Variants in PTPRO observed in about 807,000 individuals in gnomAD.
PTPRO encodes the protein receptor-type tyrosine-protein phosphatase O.
Under a neutral mutation model 145.2 loss-of-function variants are expected in PTPRO, and 62 were observed. The observed-to-expected ratio is 0.43, with a 90% CI of 0.35 to 0.53. The LOEUF is 0.53. PTPRO is among the 20% of genes least tolerant of loss of function. The probability of loss-of-function intolerance (pLI) is 0.01; values close to 1 mark genes in which losing one functional copy is unlikely to be tolerated. For synonymous variants in PTPRO, 565 were observed against 514.7 expected, an observed-to-expected ratio of 1.10 and a Z score of -1.32; for missense variants, 1,345 against 1,482.7, an observed-to-expected ratio of 0.91 and a Z score of 1.53.
intron 17 of PTPRO, among the ~76,000 whole-genome samples, chr12:15,562,308 T>G (rs1943793705): frequency 6.6e-6 from 1 of 152,176 alleles, no homozygotes; most frequent in Non-Finnish European, 1.5e-5. Flanking sequence ...TATTTTCCCC[T>G]GCTTTCATTG....
chr12:15,355,292 C>G (rs1283383270), intron 1 of PTPRO, among the ~76,000 whole-genome samples: 1 of 152,140 alleles, frequency 6.6e-6, no homozygotes, highest in African/African-American at 2.4e-5. Flanking sequence ...ATGACCTTTC[C>G]CTCCTTAGTC....
intron 1 of PTPRO, among the ~76,000 whole-genome samples, chr12:15,326,804 A>C (rs1417992536): frequency 6.6e-6 from 1 of 152,190 alleles, no homozygotes; most frequent in Non-Finnish European, 1.5e-5. Context: ...CCCTAATTTA[A>C]TGCCTCTCCG....
At chr12:15,323,595 G>A (rs547681862) in intron 1 of PTPRO, among the ~76,000 whole-genome samples, 3 of 152,190 alleles carry the variant, frequency 2.0e-5, no homozygotes, top group Non-Finnish European at 4.4e-5. Flanking sequence ...TCAGCTAGAT[G>A]TTTTCTTGGA....
intron 2 of PTPRO, 63 bp from the exon 3 acceptor site, chr12:15,497,182 A>T (rs956565365): frequency 3.5e-6 from 5 of 1,418,918 alleles, no homozygotes; most frequent in Non-Finnish European, 4.9e-6. Context: ...TAATTCAAGT[A>T]TTGATATCGG....
rs560305013 is a variant in PTPRO, at chr12:15,372,344, C to T, written c.75+49543C>T. Among the ~76,000 whole-genome samples, 6 of 152,222 alleles carry T rather than the reference C, an allele frequency of 3.9e-5. No homozygotes were observed. In the East Asian group the frequency reaches 7.7e-4, roughly 20 times the overall value. ...TCCTCTTTACTGTCTATAGCAGGAACCACTTATATGGTATCTCTCTCTAAT... is the reference window on the plus strand; with the variant it reads ...TCCTCTTTACTGTCTATAGCAGGAATCACTTATATGGTATCTCTCTCTAAT... On this transcript the variant is annotated intron_variant, in intron 1 of 26. Coordinates refer to ENST00000281171, the MANE Select transcript of PTPRO (RefSeq NM_030667.3).
intron 1 of PTPRO, among the ~76,000 whole-genome samples, chr12:15,459,164 A>T (rs951945242): frequency 3.3e-5 from 5 of 152,266 alleles, no homozygotes; most frequent in African/African-American, 1.2e-4. Context: ...TTGAAACGTT[A>T]AATATGTGAT....
intron 23 of PTPRO, among the ~76,000 whole-genome samples, chr12:15,584,207 T>A (rs1387406865): frequency 6.6e-6 from 1 of 152,202 alleles, no homozygotes; most frequent in Non-Finnish European, 1.5e-5. Context: ...AATGAATAAA[T>A]CAGTGAATGA....
chr12:15,440,735 T>C (rs996507065), intron 1 of PTPRO, among the ~76,000 whole-genome samples: 1 of 152,072 alleles, frequency 6.6e-6, no homozygotes, highest in African/African-American at 2.4e-5. Flanking sequence ...TATTCTTCTA[T>C]CTGATAAAAC....
rs79715063 is a variant in PTPRO at position 15,330,727 on chromosome 12, A to G, written c.75+7926A>G. Among the ~76,000 whole-genome samples, 542 of 152,308 alleles carry G rather than the reference A, an allele frequency of 3.6e-3. 7 individuals carry two copies. The highest frequency in any genetic ancestry group is 0.012 in the African/African-American group (510 of 41,576). ...GGCTGATGTTCTGGCCAAATTCCTG[A>G]AACAGTTCTCTGTCTTTATCCCTTG... On this transcript the variant is annotated intron_variant, in intron 1 of 26. Transcript: ENST00000281171.
At chr12:15,340,614 T>C (rs933823224) in intron 1 of PTPRO, among the ~76,000 whole-genome samples, 41 of 152,244 alleles carry the variant, frequency 2.7e-4, no homozygotes, top group Non-Finnish European at 5.0e-4. Context: ...TTGATGCTTC[T>C]GTACTCTGTA....
At chr12:15,370,736 A>T (rs917552621) in intron 1 of PTPRO, among the ~76,000 whole-genome samples, 1 of 152,348 alleles carries the variant, frequency 6.6e-6, no homozygotes, top group South Asian at 2.1e-4. Context: ...CCTTGAAAAT[A>T]TGCATATATT....
intron 17 of PTPRO, 45 bp downstream of exon 17, chr12:15,560,321 T>G: frequency 7.1e-7 from 1 of 1,417,530 alleles, no homozygotes. Context: ...CTTTAAAAGT[T>G]AGCTTTCAAG....
intron 25 of PTPRO, 128 bp downstream of exon 25, chr12:15,589,718 A>G (rs762757443): frequency 5.0e-6 from 6 of 1,198,384 alleles, no homozygotes; most frequent in Non-Finnish European, 7.2e-6. Context: ...TTCTTATTGT[A>G]TATGTTCAAA....
chr12:15,552,793 A>ATTTT (rs1591722815), intron 15 of PTPRO, among the ~76,000 whole-genome samples: 1 of 71,898 alleles, frequency 1.4e-5, no homozygotes. Flanking sequence ...TTGAGGTCAA[A>ATTTT]TCTTTTTTTT....
intron 13 of PTPRO, among the ~76,000 whole-genome samples, chr12:15,547,079 A>C (rs1943312489): frequency 6.6e-6 from 1 of 152,246 alleles, no homozygotes; most frequent in African/African-American, 2.4e-5. Context: ...GATAGAATCA[A>C]TATTTGCCTT....
At chr12:15,403,337 C>T (rs1311592973) in intron 1 of PTPRO, among the ~76,000 whole-genome samples, 3 of 152,176 alleles carry the variant, frequency 2.0e-5, no homozygotes, top group African/African-American at 7.2e-5. Flanking sequence ...AATTCCAACA[C>T]TTTGGGAGGC....
At chr12:15,575,708 C>G (rs1944169920) in intron 19 of PTPRO, among the ~76,000 whole-genome samples, 1 of 152,182 alleles carries the variant, frequency 6.6e-6, no homozygotes, top group Non-Finnish European at 1.5e-5. Flanking sequence ...TGGTTTAAAA[C>G]AACAGAAACT....
At chr12:15,499,754 T>G (rs147524676) in intron 4 of PTPRO, among the ~76,000 whole-genome samples, 160 bp downstream of exon 4, 5 of 152,194 alleles carry the variant, frequency 3.3e-5, no homozygotes, top group African/African-American at 1.2e-4. Flanking sequence ...TAAAAAGAAC[T>G]GGGCAAAATA....
chr12:15,507,863 T>G (rs186811682), intron 6 of PTPRO, among the ~76,000 whole-genome samples: 1 of 152,340 alleles, frequency 6.6e-6, no homozygotes. Flanking sequence ...CACATTTGCA[T>G]TTCAGCAGGG....
Sources: allele counts gnomAD v4.1 joint callset (sites outside exome capture counted in the v4.1 genomes callset), GRCh38; gene constraint gnomAD v4.1.1; transcripts MANE v1.5; gene names NCBI Gene and HGNC (gene_info 2026-07-23, HGNC 2026-07-21).